The following HMCN2 variants were observed in gnomAD, a reference collection of about 807,000 sequenced individuals.
HMCN2 encodes hemicentin 2, also known as hemicentin-2.
Under a neutral mutation model 377.5 loss-of-function variants are expected in HMCN2, and 325 were observed. That is an observed-to-expected ratio of 0.86 (90% confidence interval 0.79 to 0.94). HMCN2 has a LOEUF of 0.94. Ranked by LOEUF, HMCN2 falls within the 40% of genes least tolerant of loss-of-function variation. The pLI, the probability that HMCN2 is intolerant of heterozygous loss-of-function variation, is 0.00. For missense variants in HMCN2, 4,543 were observed against 4,725.3 expected, an observed-to-expected ratio of 0.96 and a Z score of 1.13; for synonymous variants, 2,007 against 2,046.8, an observed-to-expected ratio of 0.98 and a Z score of 0.53.
At chr9:130,344,836 G>C (rs1206058919) in intron 25 of HMCN2, among the ~76,000 whole-genome samples, 1 of 147,236 alleles carries the variant, frequency 6.8e-6, no homozygotes, top group African/African-American at 2.5e-5. Flanking sequence ...GGTGTGTGTG[G>C]TGTGTGTAGT....
intron 66 of HMCN2, among the ~76,000 whole-genome samples, chr9:130,392,817 A>T (rs562064002): frequency 1.3e-5 from 2 of 152,164 alleles, no homozygotes; most frequent in South Asian, 2.1e-4. Context: ...TAACACGGTG[A>T]AACCCCGTCT....
intron 1 of HMCN2, among the ~76,000 whole-genome samples, chr9:130,279,737 G>A (rs1835009596): frequency 6.6e-6 from 1 of 152,228 alleles, no homozygotes; most frequent in Non-Finnish European, 1.5e-5. Flanking sequence ...AATGGTGAAA[G>A]CCGTGGTAGG....
intron 80 of HMCN2, among the ~76,000 whole-genome samples, chr9:130,404,253 GT>G (rs1842983297): frequency 6.6e-6 from 1 of 152,192 alleles, no homozygotes. Context: ...GGAATATTCA[GT>G]ATGGGCCGGT....
intron 62 of HMCN2, among the ~76,000 whole-genome samples, chr9:130,389,394 T>C (rs4740370): frequency 0.93 from 141,649 of 152,006 alleles, 66,650 homozygotes; most frequent in Non-Finnish European, 0.99. Context: ...CCCCGTTTTC[T>C]CCCCATTTCT....
chr9:130,346,780 C>T (rs1303247165), intron 25 of HMCN2, among the ~76,000 whole-genome samples: 6 of 151,990 alleles, frequency 3.9e-5, no homozygotes, highest in African/African-American at 9.7e-5. Flanking sequence ...GGAGCATAGA[C>T]GCGTCCTCTG....
chr9:130,379,318 C>T lies in HMCN2; in HGVS notation c.8282C>T (p.Ala2761Val). 1 of 985,716 alleles carries T rather than the reference C, an allele frequency of 1.0e-6. No homozygotes were observed. The highest frequency in any genetic ancestry group is 1.2e-6 in the Non-Finnish European group (1 of 829,912). The allele number at this position is 985,716 out of a possible 1,614,324, so 61.1% of individuals were successfully genotyped here. A position where few individuals can be genotyped will look rare whatever the true frequency, so the allele number is the denominator to read the frequency against. ...AFEILSREEE[A>V]RGGVTEYREI... ...GAGATCCTGTCCCGGGAGGAGGAGG[C>T]CCGGGGCGGAGTCACGGAATACAGG... Residue 2761 changes from alanine to valine, a missense_variant, in exon 54 of 98, where the codon GCC becomes GTC. This residue lies in a region of HMCN2 where 736 missense variants were observed against 773.2 expected (regional missense o/e 0.95). Coordinates refer to ENST00000683500, the MANE Select transcript of HMCN2 (RefSeq NM_001291815.2).
chr9:130,413,569 C>G (rs1355376235), intron 85 of HMCN2, among the ~76,000 whole-genome samples: 1 of 152,110 alleles, frequency 6.6e-6, no homozygotes, highest in East Asian at 1.9e-4. Flanking sequence ...ACATAAAGAG[C>G]CTCTGAAAAG....
At position 130,320,808 on chromosome 9, in the gene HMCN2, G is replaced by C. The variant is rs1043986927; in HGVS notation, c.2680G>C (p.Val894Leu). Residue 894 changes from valine (V) to leucine (L), a missense_variant, in exon 18 of 98, where the codon GTC (valine) becomes CTC (leucine). By Grantham distance (32) the Val-to-Leu change is conservative. This residue lies in a region of HMCN2 where 547 missense variants were observed against 189.9 expected (regional missense o/e 2.88). Transcript: ENST00000683500. Reference protein sequence around the residue: ...PPQIASSAPTVRVLEGQPVSL... With the variant: ...PPQIASSAPTLRVLEGQPVSL... The stretch of plus-strand genomic sequence containing the variant: ...ACAGATCGCCAGCAGCGCCCCCACC[G>C]TCCGGGTCCTGGAGGGGCAGCCCGT... 4.6e-5 allele frequency: 7 copies of C among 152,480 alleles called. No homozygotes were observed. Among genetic ancestry groups the C allele is most frequent in the African/African-American group, 1.4e-4 (6 of 41,558 alleles). 9.4% of individuals were successfully genotyped at this position (152,480 alleles called of 1,614,324 possible).
Position 130,382,187 on chromosome 9 carries a change from G to A in HMCN2, c.8435G>A (p.Gly2812Asp). The A allele has an allele frequency of 1.0e-6, 1 of 985,308 alleles. No individual in the cohort carries two copies. The highest frequency in any genetic ancestry group is 1.2e-6 in the Non-Finnish European group (1 of 829,430). The allele number at this position is 985,308 out of a possible 1,614,324, so 61.0% of individuals were successfully genotyped here. A position where few individuals can be genotyped will look rare whatever the true frequency, so the allele number is the denominator to read the frequency against. The change falls in exon 55 of 98, where the codon GGC (glycine) becomes GAC (aspartate). Residue 2812 changes from glycine (G) to aspartate (D), a missense_variant. Gly to Asp is a moderately conservative substitution (Grantham distance 94). Around this residue, in one of 5 missense-constraint regions of HMCN2, gnomAD observed 736 missense variants for 773.2 expected, o/e 0.95. Coordinates refer to ENST00000683500, the MANE Select transcript of HMCN2 (RefSeq NM_001291815.2). ...AGDEVSVLQG[G>D]RVLQIPLVRA... is the part of the protein sequence containing the mutation. The stretch of plus-strand genomic sequence containing the variant: ...CCTCTGTCCCGTGTCCCTGCAGGAG[G>A]CCGGGTCCTGCAGATCCCCCTGGTG...
chr9:130,278,208 T>A (rs1459101953), intron 1 of HMCN2, among the ~76,000 whole-genome samples: 1 of 152,170 alleles, frequency 6.6e-6, no homozygotes, highest in Non-Finnish European at 1.5e-5. Context: ...CACTGCAAGC[T>A]CCGCCTCCCA....
At chr9:130,288,392 G>A (rs1835543457) in intron 4 of HMCN2, among the ~76,000 whole-genome samples, 1 of 152,224 alleles carries the variant, frequency 6.6e-6, no homozygotes, top group African/African-American at 2.4e-5. Flanking sequence ...TCCTGGGCAT[G>A]GAGCTCTGTT....
chr9:130,365,645 T>G lies in HMCN2; in HGVS notation c.6423T>G (p.Asp2141Glu), dbSNP rs139855008. ...CTCTCTGCCAGGTGGACAGAGCCGA[T>G]GTGTGGGATGCGGGCCATTACACCT... ...DKALLQVDRA[D>E]VWDAGHYTCE... The change falls in exon 42 of 98, where the codon GAT becomes GAG. Residue 2141 changes from aspartate (D) to glutamate (E), a missense_variant. Asp to Glu is a conservative substitution (Grantham distance 45). This residue lies in a region of HMCN2 where 1,032 missense variants were observed against 1,285.1 expected (regional missense o/e 0.80). Transcript: ENST00000683500. The G allele has an allele frequency of 9.4e-4, 929 of 985,990 alleles. 9 individuals are homozygous for G. The African/African-American group carries it at 0.014, about 15-fold the overall frequency. 61.1% of individuals were successfully genotyped at this position (985,990 alleles called of 1,614,324 possible). A position where few individuals can be genotyped will look rare whatever the true frequency, so the allele number is the denominator to read the frequency against.
chr9:130,332,933 G>A (rs1375691625), intron 22 of HMCN2, among the ~76,000 whole-genome samples: 3 of 152,156 alleles, frequency 2.0e-5, no homozygotes, highest in African/African-American at 7.2e-5. Flanking sequence ...GCTCCTGGAT[G>A]CTTTATAGAC....
rs1564828136 is a variant in HMCN2, at chr9:130,373,639, GAATGGATA to G, written c.7438+516_7438+523del. The stretch of plus-strand genomic sequence containing the variant: ...TGGATGGATGGATGGATGGATGGAT[GAATGGATA>G]GATGGATAGGTAGGTGGGTGGATGG... On this transcript the variant is annotated intron_variant, in intron 48 of 97. Coordinates refer to ENST00000683500, the MANE Select transcript of HMCN2 (RefSeq NM_001291815.2). Among the ~76,000 whole-genome samples, 251 of 80,672 alleles carry G rather than the reference GAATGGATA, an allele frequency of 3.1e-3. 5 individuals carry two copies. Among genetic ancestry groups the G allele is most frequent in the Non-Finnish European group, 5.6e-3 (198 of 35,082 alleles). The allele number at this position is 80,672 out of a possible 152,430, so 52.9% of individuals were successfully genotyped here.
intron 90 of HMCN2, 70 bp from the exon 91 acceptor site, chr9:130,427,243 G>T: frequency 6.7e-7 from 1 of 1,488,962 alleles, no homozygotes; most frequent in Non-Finnish European, 9.2e-7. Context: ...TGTGAGCCTG[G>T]GCTATGGCCA....
intron 22 of HMCN2, among the ~76,000 whole-genome samples, chr9:130,328,047 G>T: frequency 6.6e-6 from 1 of 152,340 alleles, no homozygotes; most frequent in East Asian, 1.9e-4. Context: ...TGGCTGGGGG[G>T]TTCTGTGGCT....
rs1166643132 is a variant in HMCN2 at position 130,428,058 on chromosome 9, G to A, written c.14066-300G>A. 1.3e-5 allele frequency among the ~76,000 whole-genome samples: 2 copies of A among 152,196 alleles called. No individual in the cohort carries two copies. The highest frequency in any genetic ancestry group is 1.9e-4 in the East Asian group (1 of 5,184). On this transcript the variant is annotated intron_variant, in intron 92 of 97. Transcript: ENST00000683500. The surrounding 1 kb of genome is among the most constrained non-coding windows in gnomAD (Gnocchi z 5.0). ...CAGTCTGCATCCCTGCACTCCCACC[G>A]GGAGGGCCTGGTGCTGCCAAGTCTC... is the stretch of plus-strand genomic sequence containing the variant.
intron 4 of HMCN2, among the ~76,000 whole-genome samples, chr9:130,290,098 C>T (rs961395792): frequency 6.6e-6 from 1 of 152,210 alleles, no homozygotes. Flanking sequence ...ATCGCAGGCT[C>T]GCTGGTCCCC....
At chr9:130,271,994 A>G (rs1834432071) in intron 1 of HMCN2, among the ~76,000 whole-genome samples, 1 of 149,346 alleles carries the variant, frequency 6.7e-6, no homozygotes, top group African/African-American at 2.4e-5. Flanking sequence ...TTCCTTATCT[A>G]GAACCTCCAC....
Sources: allele counts gnomAD v4.1 joint callset (sites outside exome capture counted in the v4.1 genomes callset), GRCh38; gene constraint gnomAD v4.1.1; regional missense constraint gnomAD v4.1.1; non-coding constraint Gnocchi (gnomAD v3.1); transcripts MANE v1.5; gene names NCBI Gene and HGNC (gene_info 2026-07-23, HGNC 2026-07-21).